ALK: variants seen among roughly 807,000 people sequenced by gnomAD.
ALK encodes the protein ALK receptor tyrosine kinase, also known as ALK tyrosine kinase receptor.
ALK carries 74 observed loss-of-function variants against 163.1 expected under a neutral mutation model. That is an observed-to-expected ratio of 0.45 (90% CI 0.38 to 0.55). ALK has a LOEUF of 0.55. Ranked by LOEUF, ALK falls within the 20% of genes least tolerant of loss-of-function variation. ALK has a pLI of 0.00. For synonymous variants in ALK, 960 were observed against 843.2 expected, an observed-to-expected ratio of 1.14 and a Z score of -2.40; for missense variants, 2,063 against 2,105.3, an observed-to-expected ratio of 0.98 and a Z score of 0.39.
rs144605117 is a variant in ALK, at chr2:29,686,435, C to T, written c.952+8415G>A. On this transcript the variant is annotated intron_variant, in intron 3 of 28. Coordinates refer to ENST00000389048, the MANE Select transcript of ALK (RefSeq NM_004304.5). Reference sequence around the variant, plus strand: ...CCCTGGGCTGGTAGAGATTTCTGTGCCTCACAGGTTTTATGCCAGGTATTT... The same window carrying T: ...CCCTGGGCTGGTAGAGATTTCTGTGTCTCACAGGTTTTATGCCAGGTATTT... 1.2e-4 allele frequency among the ~76,000 whole-genome samples: 18 copies of T among 152,282 alleles called. No individual in the cohort carries two copies. In the East Asian group the frequency reaches 3.1e-3, roughly 26 times the overall value.
intron 24 of ALK, among the ~76,000 whole-genome samples, chr2:29,213,616 G>T (rs13404233): frequency 0.01 from 1,530 of 152,238 alleles, 29 homozygotes; most frequent in African/African-American, 0.035. Flanking sequence ...CAGCCCTGGC[G>T]AGGATATTTT....
intron 6 of ALK, among the ~76,000 whole-genome samples, chr2:29,325,003 A>G (rs568499065): frequency 1.3e-5 from 2 of 152,344 alleles, no homozygotes; most frequent in South Asian, 4.1e-4. Context: ...TACGTTGCCC[A>G]GAGTGAGTCT....
intron 4 of ALK, among the ~76,000 whole-genome samples, chr2:29,529,143 C>T (rs1673046977): frequency 6.6e-6 from 1 of 152,162 alleles, no homozygotes; most frequent in Non-Finnish European, 1.5e-5. Flanking sequence ...CCCACCCGTG[C>T]ACGACAGCCG....
intron 4 of ALK, among the ~76,000 whole-genome samples, chr2:29,410,358 C>T (rs1421454685): frequency 6.6e-6 from 1 of 152,210 alleles, no homozygotes; most frequent in African/African-American, 2.4e-5. Flanking sequence ...CCTGGAAGCT[C>T]CTGCCCACCT....
At chr2:29,605,260 A>T (rs1675511564) in intron 3 of ALK, among the ~76,000 whole-genome samples, 1 of 152,136 alleles carries the variant, frequency 6.6e-6, no homozygotes, top group Non-Finnish European at 1.5e-5. Context: ...GCCACCACTG[A>T]TCTGACAGGA....
intron 4 of ALK, among the ~76,000 whole-genome samples, chr2:29,433,373 G>A (rs955442003): frequency 6.6e-6 from 1 of 152,154 alleles, no homozygotes; most frequent in Non-Finnish European, 1.5e-5. Flanking sequence ...ACTTTAGGTG[G>A]CAAGTTTCTA....
At chr2:29,469,587 A>C (rs1475219047) in intron 4 of ALK, among the ~76,000 whole-genome samples, 1 of 152,100 alleles carries the variant, frequency 6.6e-6, no homozygotes, top group Non-Finnish European at 1.5e-5. Flanking sequence ...AGCTCTCTTA[A>C]TGGCACCATC....
intron 3 of ALK, among the ~76,000 whole-genome samples, chr2:29,638,868 C>T (rs550966533): frequency 6.6e-6 from 1 of 152,130 alleles, no homozygotes. Context: ...ATACAAAATG[C>T]AGAGAATGAG....
chr2:29,806,298 C>T (rs1429810637), intron 1 of ALK, among the ~76,000 whole-genome samples: 1 of 152,026 alleles, frequency 6.6e-6, no homozygotes, highest in African/African-American at 2.4e-5. Context: ...GATGCTGAAG[C>T]TTCTTAATAG....
chr2:29,649,471 G>C (rs983488799), intron 3 of ALK, among the ~76,000 whole-genome samples: 1 of 152,164 alleles, frequency 6.6e-6, no homozygotes, highest in African/African-American at 2.4e-5. Context: ...CTATGCACAT[G>C]AATGAGGGCT....
At chr2:29,455,375 G>A (rs945251707) in intron 4 of ALK, among the ~76,000 whole-genome samples, 3 of 152,156 alleles carry the variant, frequency 2.0e-5, no homozygotes, top group Non-Finnish European at 2.9e-5. Flanking sequence ...CCCTGGGAGA[G>A]CAGCAAGGTG....
intron 8 of ALK, among the ~76,000 whole-genome samples, chr2:29,303,556 C>A (rs1401992815): frequency 6.6e-6 from 1 of 152,208 alleles, no homozygotes; most frequent in African/African-American, 2.4e-5. Context: ...GAAAATAAAT[C>A]ATTTTACCAT....
rs869083201 is a variant in ALK, at chr2:29,889,695, CAGAGAGAGAGAGAGAGAGAGAGAGAGAG to C, written c.667+30270_667+30297del. Among the ~76,000 whole-genome samples, 490 of 101,942 alleles carry C rather than the reference CAGAGAGAGAGAGAGAGAGAGAGAGAGAG, an allele frequency of 4.8e-3. 7 individuals are homozygous for C. Among genetic ancestry groups the C allele is most frequent in the African/African-American group, 8.7e-3 (221 of 25,326 alleles). 66.9% of individuals were successfully genotyped at this position (101,942 alleles called of 152,430 possible). ...ATCTGTATCTATATAGATAGATAGA[CAGAGAGAGAGAGAGAGAGAGAGAGAGAG>C]AGAGAGAGAGAGAGAGAGAGAGAGA... On this transcript the variant is annotated intron_variant, in intron 1 of 28. Coordinates refer to ENST00000389048, the MANE Select transcript of ALK (RefSeq NM_004304.5).
At chr2:29,697,617 C>G (rs1279051611) in intron 2 of ALK, among the ~76,000 whole-genome samples, 1 of 152,128 alleles carries the variant, frequency 6.6e-6, no homozygotes. Context: ...ATCCTCTCCC[C>G]GAAGCCGTGG....
intron 1 of ALK, among the ~76,000 whole-genome samples, chr2:29,753,064 GC>G (rs1680418032): frequency 6.6e-6 from 1 of 152,228 alleles, no homozygotes; most frequent in Non-Finnish European, 1.5e-5. Flanking sequence ...CTCAGAAAAG[GC>G]CTTTGAATGT....
chr2:29,836,752 T>C (rs1007690969), intron 1 of ALK, among the ~76,000 whole-genome samples: 4 of 152,218 alleles, frequency 2.6e-5, no homozygotes, highest in Non-Finnish European at 2.9e-5. Flanking sequence ...AGAGATTACA[T>C]GGTTGGTTGG....
At chr2:29,563,597 G>A (rs1260565515) in intron 3 of ALK, among the ~76,000 whole-genome samples, 1 of 152,126 alleles carries the variant, frequency 6.6e-6, no homozygotes, top group Non-Finnish European at 1.5e-5. Context: ...AAACCAAGAG[G>A]CTCTTTCTGA....
intron 4 of ALK, among the ~76,000 whole-genome samples, chr2:29,519,508 C>T (rs1221797119): frequency 1.3e-5 from 2 of 152,188 alleles, no homozygotes; most frequent in East Asian, 3.8e-4. Context: ...GTTTTTATTT[C>T]CATCTGATTT....
chr2:29,234,899 G>A (rs949643088), intron 13 of ALK, among the ~76,000 whole-genome samples: 9 of 152,248 alleles, frequency 5.9e-5, no homozygotes, highest in African/African-American at 2.2e-4. Context: ...TTTTAGTAGA[G>A]GAGGGGTTTT....
Sources: gnomAD v4.1 joint callset for allele counts (sites outside exome capture counted in the v4.1 genomes callset) on GRCh38, gnomAD v4.1.1 for gene constraint, MANE v1.5 for transcripts, NCBI Gene and HGNC (gene_info 2026-07-23, HGNC 2026-07-21) for gene names.